Variants in TMEM163 observed in about 807,000 individuals in gnomAD.
TMEM163 encodes the protein transmembrane protein 163.
Under a neutral mutation model 29.3 loss-of-function variants are expected in TMEM163, and 17 were observed. The ratio of observed to expected loss-of-function variants is 0.58; its 90% confidence interval spans 0.40 to 0.87. TMEM163 has a LOEUF of 0.87. TMEM163 is among the 40% of genes least tolerant of loss of function. The probability of loss-of-function intolerance (pLI) is 0.00; values close to 1 mark genes in which losing one functional copy is unlikely to be tolerated. For synonymous variants in TMEM163, 157 were observed against 160.6 expected, an observed-to-expected ratio of 0.98 and a Z score of 0.17; for missense variants, 303 against 381.5, an observed-to-expected ratio of 0.79 and a Z score of 1.71.
intron 2 of TMEM163, among the ~76,000 whole-genome samples, chr2:134,633,970 T>TAG (rs1683038460): frequency 4.1e-4 from 1 of 2,458 alleles, no homozygotes; most frequent in Non-Finnish European, 1.2e-3. Context: ...AAAATACATA[T>TAG]ATATATATAT....
chr2:134,585,688 G>T (rs1013970575), intron 2 of TMEM163, among the ~76,000 whole-genome samples: 2 of 150,900 alleles, frequency 1.3e-5, no homozygotes, highest in African/African-American at 4.9e-5. Context: ...CTTGCAGTGA[G>T]TCTAGATCGC....
Position 134,460,088 on chromosome 2 carries a change from T to G in TMEM163, c.668-1915A>C, listed in dbSNP as rs1686501568. 1.2e-5 allele frequency among the ~76,000 whole-genome samples: 1 copy of G among 85,122 alleles called. No homozygotes were observed. Among genetic ancestry groups the G allele is most frequent in the Non-Finnish European group, 2.1e-5 (1 of 46,878 alleles). The allele number at this position is 85,122 out of a possible 152,430, so 55.8% of individuals were successfully genotyped here. A position where few individuals can be genotyped will look rare whatever the true frequency, so the allele number is the denominator to read the frequency against. ...TTGCCAGATGTTACCCCCCCCCAAATTCATTCTCACTCTCCCCGCTGATCC... is the reference window on the plus strand; with the variant it reads ...TTGCCAGATGTTACCCCCCCCCAAAGTCATTCTCACTCTCCCCGCTGATCC... On this transcript the variant is annotated intron_variant, in intron 6 of 7. Coordinates refer to ENST00000281924, the MANE Select transcript of TMEM163 (RefSeq NM_030923.5). This position sits in a 1 kb window ranked among gnomAD's most constrained non-coding sequence, Gnocchi z 4.3.
intron 6 of TMEM163, among the ~76,000 whole-genome samples, chr2:134,464,666 G>C (rs923637603): frequency 4.6e-5 from 7 of 152,088 alleles, no homozygotes; most frequent in African/African-American, 1.7e-4. Flanking sequence ...GGAGGAGTGG[G>C]AGCAGGCGGT....
intron 2 of TMEM163, among the ~76,000 whole-genome samples, chr2:134,663,557 G>A (rs918663860): frequency 3.3e-5 from 5 of 152,366 alleles, no homozygotes; most frequent in Admixed American, 3.3e-4. Context: ...GTGCACCACA[G>A]GTCCCTTTCT....
intron 2 of TMEM163, among the ~76,000 whole-genome samples, chr2:134,587,441 C>T (rs1176651541): frequency 6.6e-6 from 1 of 152,050 alleles, no homozygotes; most frequent in African/African-American, 2.4e-5. Context: ...AAGTATCACC[C>T]CCGTGTGAGA....
chr2:134,620,384 G>T lies in TMEM163; in HGVS notation c.323-68293C>A, dbSNP rs1301679088. ...CGCTTCTCCTGCCTCAGCCTCCCAA[G>T]TAGCTGGGATTACAGGCATGCGCCA... On this transcript the variant is annotated intron_variant, in intron 2 of 7. Coordinates refer to ENST00000281924, the MANE Select transcript of TMEM163 (RefSeq NM_030923.5). Among the ~76,000 whole-genome samples the T allele has an allele frequency of 3.3e-5, 5 of 152,116 alleles. No homozygotes were observed. The East Asian group carries it at 9.6e-4, about 29-fold the overall frequency.
intron 5 of TMEM163, among the ~76,000 whole-genome samples, chr2:134,498,281 G>T (rs1008266137): frequency 6.6e-6 from 1 of 151,188 alleles, no homozygotes; most frequent in African/African-American, 2.4e-5. Flanking sequence ...CGTGCTCCAC[G>T]CATCCCCCCT....
In TMEM163 at chr2:134,495,941, C is replaced by T. The variant is rs1383203989; in HGVS notation, c.555+6960G>A. On this transcript the variant is annotated intron_variant, in intron 5 of 7. Coordinates refer to ENST00000281924, the MANE Select transcript of TMEM163 (RefSeq NM_030923.5). ...CATGAAGCCCACTATTCTGCCATTG[C>T]CCCCTGGAAGCTCCCATCCTATGTT... is the stretch of plus-strand genomic sequence containing the variant. 5.9e-5 allele frequency among the ~76,000 whole-genome samples: 9 copies of T among 152,298 alleles called. 1 individual carries two copies. The highest frequency in any genetic ancestry group is 2.1e-4 in the South Asian group (1 of 4,822).
chr2:134,634,480 G>C (rs1449347476), intron 2 of TMEM163, among the ~76,000 whole-genome samples: 1 of 152,208 alleles, frequency 6.6e-6, no homozygotes, highest in Non-Finnish European at 1.5e-5. Context: ...CCCTCACCCA[G>C]ACTGGAGGAC....
chr2:134,473,144 T>G (rs993774402), intron 5 of TMEM163, among the ~76,000 whole-genome samples: 3 of 152,004 alleles, frequency 2.0e-5, no homozygotes, highest in African/African-American at 7.2e-5. Flanking sequence ...AGGCCTAATA[T>G]CAATGATCTG....
intron 4 of TMEM163, among the ~76,000 whole-genome samples, chr2:134,528,098 C>A (rs1680335721): frequency 6.6e-6 from 1 of 152,150 alleles, no homozygotes; most frequent in Admixed American, 6.5e-5. Flanking sequence ...CTTCTAACAC[C>A]ATCCAGATCC....
chr2:134,616,291 G>C (rs1682607832), intron 2 of TMEM163, among the ~76,000 whole-genome samples: 2 of 152,184 alleles, frequency 1.3e-5, no homozygotes, highest in African/African-American at 4.8e-5. Flanking sequence ...CTTCACCAGA[G>C]AGCCCTTCTT....
intron 2 of TMEM163, among the ~76,000 whole-genome samples, chr2:134,656,366 C>G (rs917073484): frequency 6.6e-6 from 1 of 151,788 alleles, no homozygotes; most frequent in Non-Finnish European, 1.5e-5. Flanking sequence ...CCTGACCCCT[C>G]GCGCTTCCCA....
At chr2:134,686,354 C>A (rs1193881283) in intron 2 of TMEM163, among the ~76,000 whole-genome samples, 2 of 152,232 alleles carry the variant, frequency 1.3e-5, no homozygotes, top group African/African-American at 4.8e-5. Context: ...CTCAACCATG[C>A]AGCCTAGAGC....
chr2:134,592,809 AGACT>A (rs1681966982), intron 2 of TMEM163, among the ~76,000 whole-genome samples: 1 of 151,426 alleles, frequency 6.6e-6, no homozygotes, highest in Non-Finnish European at 1.5e-5. Flanking sequence ...ATAGATAGAT[AGACT>A]ATCTCTCCCT....
rs1558971894 is a variant in TMEM163, at chr2:134,634,003, AT to A, written c.322+79196del. Among the ~76,000 whole-genome samples, 232 of 29,452 alleles carry A rather than the reference AT, an allele frequency of 7.9e-3. 11 individuals carry two copies. Among genetic ancestry groups the A allele is most frequent in the African/African-American group, 0.026 (201 of 7,738 alleles). 19.3% of individuals were successfully genotyped at this position (29,452 alleles called of 152,430 possible). A position where few individuals can be genotyped will look rare whatever the true frequency, so the allele number is the denominator to read the frequency against. On this transcript the variant is annotated intron_variant, in intron 2 of 7. Coordinates refer to ENST00000281924, the MANE Select transcript of TMEM163 (RefSeq NM_030923.5). ...TATATATATATATATATATATATAT[AT>A]ATATATATATATATATAATAGGACT...
chr2:134,462,976 G>A (rs530502949), intron 6 of TMEM163, among the ~76,000 whole-genome samples: 15 of 152,342 alleles, frequency 9.8e-5, no homozygotes, highest in East Asian at 3.9e-4. Context: ...ACAGATCTGC[G>A]AGCCAGAGGG....
chr2:134,595,406 G>T (rs568314757), intron 2 of TMEM163, among the ~76,000 whole-genome samples: 1 of 152,028 alleles, frequency 6.6e-6, no homozygotes, highest in Non-Finnish European at 1.5e-5. Flanking sequence ...GAGAATGATG[G>T]TTTCCAGCTT....
intron 4 of TMEM163, among the ~76,000 whole-genome samples, chr2:134,514,777 G>A (rs1295669085): frequency 2.0e-5 from 3 of 152,170 alleles, no homozygotes; most frequent in Admixed American, 6.5e-5. Flanking sequence ...GGACTTGGCC[G>A]TGTGACTTGC....
Sources: allele counts gnomAD v4.1 joint callset (sites outside exome capture counted in the v4.1 genomes callset), GRCh38; gene constraint gnomAD v4.1.1; non-coding constraint Gnocchi (gnomAD v3.1); transcripts MANE v1.5; gene names NCBI Gene and HGNC (gene_info 2026-07-23, HGNC 2026-07-21).